The following KLHL29 variants were observed in gnomAD, a reference collection of about 807,000 sequenced individuals.
The protein encoded by KLHL29 is kelch-like protein 29.
In KLHL29, 21 loss-of-function variants were observed where a neutral mutation model predicts 80.4. The observed-to-expected ratio is 0.26, with a 90% confidence interval of 0.19 to 0.38. The LOEUF (loss-of-function observed/expected upper bound fraction) is 0.38. KLHL29 is among the 10% of genes least tolerant of loss of function. The probability of loss-of-function intolerance (pLI) is 1.00; values close to 1 mark genes in which losing one functional copy is unlikely to be tolerated. For synonymous variants in KLHL29, 511 were observed against 526.8 expected (o/e 0.97, Z 0.41); for missense variants, 867 against 1,223.9 (o/e 0.71, Z 4.35).
chr2:23,394,066 G>A (rs988601953), intron 1 of KLHL29, among the ~76,000 whole-genome samples: 16 of 152,332 alleles, frequency 1.1e-4, no homozygotes, highest in African/African-American at 3.1e-4. Flanking sequence ...CAAAGCATAC[G>A]CCAAAGGCTT....
chr2:23,660,430 C>A (rs962487200), intron 5 of KLHL29, among the ~76,000 whole-genome samples: 1 of 152,220 alleles, frequency 6.6e-6, no homozygotes, highest in African/African-American at 2.4e-5. Flanking sequence ...ATCCCTGGAC[C>A]CCCTGCAGCT....
chr2:23,540,906 A>T (rs1336341920), intron 2 of KLHL29, among the ~76,000 whole-genome samples: 1 of 152,142 alleles, frequency 6.6e-6, no homozygotes, highest in Non-Finnish European at 1.5e-5. Context: ...GAGTTCATAT[A>T]TCGTATCTAT....
At chr2:23,652,557 T>C (rs1371810265) in intron 5 of KLHL29, among the ~76,000 whole-genome samples, 2 of 152,176 alleles carry the variant, frequency 1.3e-5, no homozygotes, top group African/African-American at 4.8e-5. Context: ...CCCTTTACCA[T>C]GTGCATGTCC....
intron 3 of KLHL29, among the ~76,000 whole-genome samples, chr2:23,629,122 G>GT (rs1669404768): frequency 1.3e-5 from 2 of 152,360 alleles, no homozygotes; most frequent in African/African-American, 4.8e-5. Flanking sequence ...GAACGCGGCT[G>GT]TTGGGGGAGC....
intron 3 of KLHL29, among the ~76,000 whole-genome samples, chr2:23,634,917 C>T (rs1669569215): frequency 6.6e-6 from 1 of 151,688 alleles, no homozygotes; most frequent in Non-Finnish European, 1.5e-5. Flanking sequence ...CACTGGCCAA[C>T]ACTTTAGCTC....
intron 3 of KLHL29, among the ~76,000 whole-genome samples, chr2:23,569,655 C>T (rs1337738344): frequency 6.6e-6 from 1 of 152,082 alleles, no homozygotes; most frequent in African/African-American, 2.4e-5. Context: ...ATCTAAACAG[C>T]CAAATTACAA....
At chr2:23,580,404 G>A (rs1028182694) in intron 3 of KLHL29, among the ~76,000 whole-genome samples, 97 of 133,428 alleles carry the variant, frequency 7.3e-4, no homozygotes, top group African/African-American at 2.4e-3. Context: ...GGCCAGGCGC[G>A]GTGGCTCACA....
chr2:23,673,542 A>G (rs1274097815), intron 5 of KLHL29, among the ~76,000 whole-genome samples: 1 of 151,818 alleles, frequency 6.6e-6, no homozygotes, highest in Non-Finnish European at 1.5e-5. Context: ...ATGAGGGCAC[A>G]TACACACGCC....
At chr2:23,465,989 G>A (rs1664341264) in intron 1 of KLHL29, among the ~76,000 whole-genome samples, 1 of 152,008 alleles carries the variant, frequency 6.6e-6, no homozygotes, top group Non-Finnish European at 1.5e-5. Flanking sequence ...AGAGGTGACG[G>A]TGTTCATCTC....
At chr2:23,468,148 T>G (rs1192278125) in intron 1 of KLHL29, among the ~76,000 whole-genome samples, 1 of 152,110 alleles carries the variant, frequency 6.6e-6, no homozygotes, top group Admixed American at 6.5e-5. Flanking sequence ...CCCCATTGTA[T>G]AGAAGAGGAG....
rs143705243 is a variant in KLHL29, at chr2:23,531,189, TAGTG to T, written c.-45-30960_-45-30957del. On this transcript the variant is annotated intron_variant, in intron 2 of 13. Transcript: ENST00000486442. ...CCTGTACAGACAAGTTTCAAATAAA[TAGTG>T]AGCGAAAGTCATTGCCACGTGGTGG... 5.9e-5 allele frequency among the ~76,000 whole-genome samples: 9 copies of T among 152,298 alleles called. No individual in the cohort carries two copies. The East Asian group carries it at 9.7e-4, about 16-fold the overall frequency.
chr2:23,403,714 A>G (rs1666649110), intron 1 of KLHL29, among the ~76,000 whole-genome samples: 1 of 128,534 alleles, frequency 7.8e-6, no homozygotes. Context: ...AAACCCAAAG[A>G]GAGAGAGAGA....
chr2:23,570,140 A>C (rs1337870922), intron 3 of KLHL29, among the ~76,000 whole-genome samples: 1 of 152,204 alleles, frequency 6.6e-6, no homozygotes, highest in Non-Finnish European at 1.5e-5. Flanking sequence ...TCCTCTGGTA[A>C]ATAAAGAGCC....
chr2:23,543,055 A>G (rs1666879970), intron 2 of KLHL29, among the ~76,000 whole-genome samples: 4 of 152,218 alleles, frequency 2.6e-5, no homozygotes, highest in South Asian at 4.1e-4. Context: ...TGGGTCAGTG[A>G]GAAGCAGCTC....
rs115871383 is a variant in KLHL29 at position 23,579,134 on chromosome 2, C to T, written c.285+16653C>T. 1.9e-3 allele frequency among the ~76,000 whole-genome samples: 291 copies of T among 152,308 alleles called. 2 individuals carry two copies. Among genetic ancestry groups the T allele is most frequent in the Non-Finnish European group, 3.5e-3 (241 of 68,034 alleles). The stretch of plus-strand genomic sequence containing the variant: ...TTTAAGCCATTTGTGGAGGGCCAGG[C>T]CCTGTGCCAAGAGCTTTCCATGTTT... On this transcript the variant is annotated intron_variant, in intron 3 of 13. Transcript: ENST00000486442.
At chr2:23,529,553 TCCCCCCACCTCAGC>T (rs1161813576) in intron 2 of KLHL29, among the ~76,000 whole-genome samples, 1 of 151,900 alleles carries the variant, frequency 6.6e-6, no homozygotes, top group East Asian at 1.9e-4. Flanking sequence ...GCTTCTCCCT[TCCCCCCACCTCAGC>T]CCCTGTTGCC....
At chr2:23,590,307 A>G (rs1166225325) in intron 3 of KLHL29, among the ~76,000 whole-genome samples, 1 of 152,174 alleles carries the variant, frequency 6.6e-6, no homozygotes, top group Non-Finnish European at 1.5e-5. Flanking sequence ...GCCCAAGCAG[A>G]GTTCTAGCTT....
At chr2:23,577,963 G>T (rs939393787) in intron 3 of KLHL29, among the ~76,000 whole-genome samples, 1 of 152,158 alleles carries the variant, frequency 6.6e-6, no homozygotes, top group East Asian at 1.9e-4. Context: ...GGGACTCCAG[G>T]AGCAGAAGAA....
chr2:23,418,470 G>C (rs1662669719), intron 1 of KLHL29, among the ~76,000 whole-genome samples: 2 of 152,174 alleles, frequency 1.3e-5, no homozygotes, highest in African/African-American at 4.8e-5. Flanking sequence ...CCAGTGCTTT[G>C]GTTTTGAAAT....
Sources: gnomAD v4.1 joint callset for allele counts (sites outside exome capture counted in the v4.1 genomes callset) on GRCh38, gnomAD v4.1.1 for gene constraint, MANE v1.5 for transcripts, NCBI Gene and HGNC (gene_info 2026-07-23, HGNC 2026-07-21) for gene names.